The following INSR variants were observed in gnomAD, a reference collection of about 807,000 sequenced individuals.
INSR encodes the protein insulin receptor, also known as IR.
INSR carries 67 observed loss-of-function variants against 142.6 expected under a neutral mutation model. That is an observed-to-expected ratio of 0.47 (90% CI 0.39 to 0.58). The LOEUF is 0.58. INSR is among the 20% of genes least tolerant of loss of function. INSR has a pLI of 0.00. For missense variants in INSR, 1,248 were observed against 1,833.2 expected (o/e 0.68, Z 5.83); for synonymous variants, 756 against 743.1 (o/e 1.02, Z -0.28).
chr19:7,193,767 G>A (rs887168045), intron 2 of INSR, among the ~76,000 whole-genome samples: 3 of 151,950 alleles, frequency 2.0e-5, no homozygotes, highest in Non-Finnish European at 2.9e-5. Flanking sequence ...TTGGTTCACC[G>A]TAACCTCCGC....
chr19:7,260,943 A>G (rs1418489429), intron 2 of INSR, among the ~76,000 whole-genome samples: 1 of 150,976 alleles, frequency 6.6e-6, no homozygotes, highest in Non-Finnish European at 1.5e-5. Flanking sequence ...GCTGGAGTGC[A>G]GTGGTGTGAT....
chr19:7,171,039 C>T (rs1446152960), intron 5 of INSR, among the ~76,000 whole-genome samples: 1 of 152,108 alleles, frequency 6.6e-6, no homozygotes, highest in Non-Finnish European at 1.5e-5. Flanking sequence ...AGGGGAAATA[C>T]TGATAACACA....
At chr19:7,231,769 CTG>C (rs1255007819) in intron 2 of INSR, among the ~76,000 whole-genome samples, 94 of 127,560 alleles carry the variant, frequency 7.4e-4, no homozygotes, top group Non-Finnish European at 9.1e-4. Flanking sequence ...TTAAACTTTT[CTG>C]TCTCTTTTTT....
At position 7,116,806 on chromosome 19, in the gene INSR, G is replaced by A. The variant is rs191407383; in HGVS notation, c.*250C>T. ...AAACACAAAATCCTGGTTTGAAACC[G>A]TCGTTGCCCCAAAGGAGCAGCAACT... On this transcript the variant is annotated 3_prime_UTR_variant, in exon 22 of 22. Transcript: ENST00000302850. 1.3e-5 allele frequency: 5 copies of A among 376,800 alleles called. No individual in the cohort carries two copies. In the East Asian group the frequency reaches 1.4e-4, roughly 10 times the overall value. The allele number at this position is 376,800 out of a possible 1,614,324, so 23.3% of individuals were successfully genotyped here.
intron 1 of INSR, among the ~76,000 whole-genome samples, chr19:7,285,571 G>A (rs780213317): frequency 5.9e-5 from 9 of 152,128 alleles, no homozygotes; most frequent in Middle Eastern, 3.2e-3. Context: ...AAGAGTTGGA[G>A]GCTGCAGGGA....
At chr19:7,266,018 G>A (rs1461157594) in intron 2 of INSR, among the ~76,000 whole-genome samples, 2 of 152,146 alleles carry the variant, frequency 1.3e-5, no homozygotes, top group African/African-American at 4.8e-5. Context: ...AGACAAATGG[G>A]CAAAGGATAT....
chr19:7,221,382 AG>A (rs1975607804), intron 2 of INSR, among the ~76,000 whole-genome samples: 1 of 53,080 alleles, frequency 1.9e-5, no homozygotes, highest in South Asian at 1.3e-3. Flanking sequence ...AAAAAAAAGG[AG>A]GAGGAGGAGG....
rs1409050589 is a variant in INSR, at chr19:7,119,205, A to G, written c.3794+244T>C. ...CAAACATAAATACCTATGTAAATATATAATATGCAAACGTAAGCGTACATG... is the reference window on the plus strand; with the variant it reads ...CAAACATAAATACCTATGTAAATATGTAATATGCAAACGTAAGCGTACATG... On this transcript the variant is annotated intron_variant, in intron 21 of 21. Transcript: ENST00000302850. The surrounding 1 kb of genome is among the most constrained non-coding windows in gnomAD (Gnocchi z 5.2). 6.6e-6 allele frequency among the ~76,000 whole-genome samples: 1 copy of G among 152,252 alleles called. No individual in the cohort carries two copies. Among genetic ancestry groups the G allele is most frequent in the East Asian group, 1.9e-4 (1 of 5,200 alleles).
intron 2 of INSR, among the ~76,000 whole-genome samples, chr19:7,246,225 T>G (rs1320628194): frequency 6.6e-6 from 1 of 152,140 alleles, no homozygotes; most frequent in Non-Finnish European, 1.5e-5. Flanking sequence ...TCCCTTTCCC[T>G]CCCAGCTCAC....
chr19:7,142,746 T>G, intron 12 of INSR, 70 bp downstream of exon 12: 1 of 1,557,094 alleles, frequency 6.4e-7, no homozygotes, highest in Non-Finnish European at 8.8e-7. Context: ...GCTTAGAGGG[T>G]GGAGAATCTG....
intron 2 of INSR, among the ~76,000 whole-genome samples, chr19:7,261,323 C>T (rs530015073): frequency 6.6e-5 from 10 of 152,192 alleles, no homozygotes; most frequent in South Asian, 6.2e-4. Flanking sequence ...ATGCCCTGAG[C>T]GCCCCAGAAC....
chr19:7,185,141 T>A (rs1471145408), intron 2 of INSR, among the ~76,000 whole-genome samples: 1 of 151,880 alleles, frequency 6.6e-6, no homozygotes. Flanking sequence ...AGGTGGTGAG[T>A]TTTGAGTATT....
Position 7,166,126 on chromosome 19 carries a change from C to T in INSR, c.1861+28G>A, listed in dbSNP as rs771496946. ...AAAAGCAAGAGGTCTGATTCACATA[C>T]GAATTCACATTCCCAAGACACACTC... On this transcript the variant is annotated intron_variant, in intron 8 of 21. Coordinates refer to ENST00000302850, the MANE Select transcript of INSR (RefSeq NM_000208.4). This position sits in a 1 kb window ranked among gnomAD's most constrained non-coding sequence, Gnocchi z 4.1. 23 of 1,613,306 alleles carry T rather than the reference C, an allele frequency of 1.4e-5. No individual in the cohort carries two copies. Among genetic ancestry groups the T allele is most frequent in the South Asian group, 2.2e-5 (2 of 90,990 alleles).
At chr19:7,175,887 G>A (rs73920305) in intron 3 of INSR, among the ~76,000 whole-genome samples, 3,350 of 151,880 alleles carry the variant, frequency 0.022, 123 homozygotes, top group African/African-American at 0.077. Flanking sequence ...GAGGGAGGAT[G>A]CCAGATTGTC....
At position 7,184,585 on chromosome 19, in the gene INSR, G is replaced by A. The variant is rs757541242; in HGVS notation, c.705C>T (p.Cys235=). The A allele has an allele frequency of 6.2e-7, 1 of 1,613,494 alleles. No homozygotes were observed. Among genetic ancestry groups the A allele is most frequent in the Non-Finnish European group, 8.5e-7 (1 of 1,179,984 alleles). The change falls in exon 3 of 22, where the codon TGC becomes TGT. Residue 235 remains cysteine (C), a synonymous_variant. Transcript: ENST00000302850. ...AACAGTTGCCCAGGCACTCGCTGTGGCAACAGAGGCCTTCGGCGGTGCAGC... is the reference window on the plus strand; with the variant it reads ...AACAGTTGCCCAGGCACTCGCTGTGACAACAGAGGCCTTCGGCGGTGCAGC... ...SHGCTAEGLC[C]HSECLGNCSQ...
rs749186567 is a variant in INSR at position 7,170,618 on chromosome 19, T to C, written c.1402A>G (p.Lys468Glu). The change falls in exon 6 of 22, where the codon AAG becomes GAG. Residue 468 changes from lysine to glutamate, a missense_variant. This residue lies in a region of INSR where 1,069 missense variants were observed against 1,654.0 expected (regional missense o/e 0.65). Transcript: ENST00000302850. ...NPKLCLSEIH[K>E]MEEVSGTKGR... ...TTGGTTCCTGAAACTTCTTCCATCTTGTGGATTTCTGACAAGCAGAGTTTG... is the reference window on the plus strand; with the variant it reads ...TTGGTTCCTGAAACTTCTTCCATCTCGTGGATTTCTGACAAGCAGAGTTTG... 2.5e-6 allele frequency: 4 copies of C among 1,613,888 alleles called. No individual in the cohort carries two copies. The South Asian group carries it at 4.4e-5, about 18-fold the overall frequency.
intron 2 of INSR, among the ~76,000 whole-genome samples, chr19:7,262,654 A>G (rs1977099979): frequency 6.6e-6 from 1 of 152,226 alleles, no homozygotes; most frequent in Non-Finnish European, 1.5e-5. Flanking sequence ...ACAATGGAAC[A>G]TGATTCAGCC....
chr19:7,186,998 C>T (rs546915066), intron 2 of INSR, among the ~76,000 whole-genome samples: 98 of 151,854 alleles, frequency 6.5e-4, no homozygotes, highest in East Asian at 3.1e-3. Flanking sequence ...CCACTGCGCC[C>T]GACATCCCAT....
At chr19:7,220,025 A>C (rs1453549337) in intron 2 of INSR, among the ~76,000 whole-genome samples, 1 of 152,198 alleles carries the variant, frequency 6.6e-6, no homozygotes, top group East Asian at 1.9e-4. Flanking sequence ...GGAATTAAGA[A>C]AGCTGATTGG....
Sources: gnomAD v4.1 joint callset for allele counts (sites outside exome capture counted in the v4.1 genomes callset) on GRCh38, gnomAD v4.1.1 for gene constraint, gnomAD v4.1.1 regional missense constraint, Gnocchi (gnomAD v3.1) non-coding constraint, MANE v1.5 for transcripts, NCBI Gene and HGNC (gene_info 2026-07-23, HGNC 2026-07-21) for gene names.